XKR4: variants seen among roughly 807,000 people sequenced by gnomAD.
The protein encoded by XKR4 is XK related 4.
A neutral mutation model predicts 53.9 loss-of-function variants in XKR4; 12 were observed. The observed-to-expected ratio is 0.22, with a 90% CI of 0.14 to 0.36. The LOEUF (loss-of-function observed/expected upper bound fraction) is 0.36, where lower values mean the gene tolerates loss of function less well. XKR4 is among the 10% of genes least tolerant of loss of function. XKR4 has a pLI of 1.00. For synonymous variants in XKR4, 354 were observed against 362.4 expected (o/e 0.98, Z 0.26); for missense variants, 799 against 859.5 (o/e 0.93, Z 0.88).
chr8:55,481,731 C>A (rs1381811976), intron 2 of XKR4, among the ~76,000 whole-genome samples: 1 of 152,016 alleles, frequency 6.6e-6, no homozygotes, highest in African/African-American at 2.4e-5. Flanking sequence ...AAAAAGTGGG[C>A]AAAGGATATG....
intron 2 of XKR4, among the ~76,000 whole-genome samples, chr8:55,474,053 C>T (rs1805937060): frequency 1.3e-5 from 2 of 152,056 alleles, no homozygotes; most frequent in Admixed American, 1.3e-4. Flanking sequence ...TATAGGAGCA[C>T]ATCACCACAC....
intron 1 of XKR4, among the ~76,000 whole-genome samples, chr8:55,317,702 G>A (rs572847327): frequency 6.6e-6 from 1 of 152,284 alleles, no homozygotes; most frequent in East Asian, 1.9e-4. Flanking sequence ...ATTACTGTGA[G>A]TGACAGAGAA....
chr8:55,448,138 T>G (rs561434127), intron 2 of XKR4, among the ~76,000 whole-genome samples: 26 of 152,348 alleles, frequency 1.7e-4, no homozygotes, highest in Non-Finnish European at 3.5e-4. Context: ...GGTATATTTT[T>G]AGGTTGCCAG....
At chr8:55,370,869 C>T (rs575072102) in intron 2 of XKR4, among the ~76,000 whole-genome samples, 2 of 152,048 alleles carry the variant, frequency 1.3e-5, no homozygotes, top group South Asian at 2.1e-4. Context: ...ACAGAGCAGG[C>T]GATCCTGGGT....
At chr8:55,455,449 G>C (rs965103656) in intron 2 of XKR4, among the ~76,000 whole-genome samples, 1 of 152,166 alleles carries the variant, frequency 6.6e-6, no homozygotes, top group Non-Finnish European at 1.5e-5. Flanking sequence ...CCAACCTGAA[G>C]TTCAACACGG....
At chr8:55,368,949 A>G (rs1804031742) in intron 2 of XKR4, among the ~76,000 whole-genome samples, 3 of 152,348 alleles carry the variant, frequency 2.0e-5, no homozygotes, top group South Asian at 2.1e-4. Context: ...AAACTTTTAC[A>G]TATTTGGAAT....
chr8:55,378,806 A>T (rs1394117551), intron 2 of XKR4, among the ~76,000 whole-genome samples: 3 of 152,108 alleles, frequency 2.0e-5, no homozygotes, highest in African/African-American at 7.2e-5. Flanking sequence ...CTTGGCAGAG[A>T]CTCAGTTTTC....
chr8:55,452,961 T>A (rs2929047), intron 2 of XKR4: 314,303 of 751,558 alleles, frequency 0.42, 69,312 homozygotes, highest in East Asian at 0.49. Flanking sequence ...CTGCTGCTTC[T>A]CACCGCTCAG....
At chr8:55,322,618 C>G (rs753169762) in intron 1 of XKR4, among the ~76,000 whole-genome samples, 1 of 152,196 alleles carries the variant, frequency 6.6e-6, no homozygotes, top group Non-Finnish European at 1.5e-5. Context: ...TTCTCTTGCT[C>G]TATAATCTTA....
At chr8:55,419,725 T>A (rs1156742270) in intron 2 of XKR4, among the ~76,000 whole-genome samples, 1 of 152,260 alleles carries the variant, frequency 6.6e-6, no homozygotes, top group Non-Finnish European at 1.5e-5. Context: ...GTCTCTTCAA[T>A]AACTGACCAT....
At chr8:55,484,874 A>G (rs564635756) in intron 2 of XKR4, among the ~76,000 whole-genome samples, 41 of 152,322 alleles carry the variant, frequency 2.7e-4, no homozygotes, top group African/African-American at 9.6e-4. Flanking sequence ...AACCTACATC[A>G]CTGGCGCTTC....
intron 1 of XKR4, among the ~76,000 whole-genome samples, chr8:55,201,159 T>C (rs903210868): frequency 6.6e-6 from 1 of 152,252 alleles, no homozygotes; most frequent in Non-Finnish European, 1.5e-5. Context: ...TGACTTTATG[T>C]CTGCTAGTTG....
At chr8:55,160,815 C>A (rs1297492181) in intron 1 of XKR4, among the ~76,000 whole-genome samples, 1 of 152,132 alleles carries the variant, frequency 6.6e-6, no homozygotes, top group African/African-American at 2.4e-5. Flanking sequence ...CTATTTCTAG[C>A]CCTTATCACA....
At position 55,356,860 on chromosome 8, in the gene XKR4, C is replaced by T. The variant is rs79537983; in HGVS notation, c.807-818C>T. ...ACAGCAAAACCAACCCCTCCTCTTC[C>T]TCCTCAGCCTATTCAATGTAAAGAT... On this transcript the variant is annotated intron_variant, in intron 1 of 2. Coordinates refer to ENST00000327381, the MANE Select transcript of XKR4 (RefSeq NM_052898.2). 9.0e-3 allele frequency among the ~76,000 whole-genome samples: 1,363 copies of T among 152,282 alleles called. 25 individuals carry two copies. Among genetic ancestry groups the T allele is most frequent in the African/African-American group, 0.03 (1,255 of 41,550 alleles).
rs1563316414 is a variant in XKR4 at position 55,289,633 on chromosome 8, GAAAGA to G, written c.807-68042_807-68038del. ...AGAAAGAAAGAAAGAAAGAAAGAAA[GAAAGA>G]AAGAAAGAAAGGAAGGAAGGAAAAG... On this transcript the variant is annotated intron_variant, in intron 1 of 2. Coordinates refer to ENST00000327381, the MANE Select transcript of XKR4 (RefSeq NM_052898.2). 3.7e-4 allele frequency among the ~76,000 whole-genome samples: 43 copies of G among 115,364 alleles called. No homozygotes were observed. In the South Asian group the frequency reaches 6.6e-3, roughly 18 times the overall value. 75.7% of individuals were successfully genotyped at this position (115,364 alleles called of 152,430 possible). A position where few individuals can be genotyped will look rare whatever the true frequency, so the allele number is the denominator to read the frequency against.
chr8:55,155,887 A>G (rs1287192436), intron 1 of XKR4, among the ~76,000 whole-genome samples: 3 of 152,238 alleles, frequency 2.0e-5, no homozygotes, highest in East Asian at 1.9e-4. Flanking sequence ...ATGATTTTCA[A>G]TATGAAATTC....
At chr8:55,222,685 A>G (rs1387909681) in intron 1 of XKR4, among the ~76,000 whole-genome samples, 1 of 152,242 alleles carries the variant, frequency 6.6e-6, no homozygotes, top group African/African-American at 2.4e-5. Context: ...CCCAGCACAA[A>G]TTCTCTGGTA....
chr8:55,152,615 C>G (rs1354677881), intron 1 of XKR4, among the ~76,000 whole-genome samples: 1 of 152,124 alleles, frequency 6.6e-6, no homozygotes, highest in Non-Finnish European at 1.5e-5. Context: ...TATACCAAAT[C>G]TAGCAATGGT....
chr8:55,181,463 T>A (rs76514562), intron 1 of XKR4, among the ~76,000 whole-genome samples: 7,676 of 152,270 alleles, frequency 0.05, 268 homozygotes, highest in Non-Finnish European at 0.076. Flanking sequence ...CTTTCATCCT[T>A]CCAGAAACAT....
Sources: allele counts gnomAD v4.1 joint callset (sites outside exome capture counted in the v4.1 genomes callset), GRCh38; gene constraint gnomAD v4.1.1; transcripts MANE v1.5; gene names NCBI Gene and HGNC (gene_info 2026-07-23, HGNC 2026-07-21).